WNT9A: variants seen among roughly 807,000 people sequenced by gnomAD.
WNT9A encodes the protein protein Wnt-9a.
In WNT9A, 8 loss-of-function variants were observed where a neutral mutation model predicts 31.4. The ratio of observed to expected loss-of-function variants is 0.26; its 90% CI spans 0.15 to 0.46. The LOEUF is 0.46. Ranked by LOEUF, WNT9A falls within the 20% of genes least tolerant of loss-of-function variation. The probability of loss-of-function intolerance (pLI) is 0.99; values close to 1 mark genes in which losing one functional copy is unlikely to be tolerated. For missense variants in WNT9A, 457 were observed against 522.9 expected (o/e 0.87, Z 1.23); for synonymous variants, 236 against 220.1 (o/e 1.07, Z -0.64).
intron 1 of WNT9A, among the ~76,000 whole-genome samples, chr1:227,946,319 G>A (rs1352056744): frequency 6.6e-6 from 1 of 152,222 alleles, no homozygotes; most frequent in African/African-American, 2.4e-5. Context: ...ATCACAGCAG[G>A]GACAAAGCCG....
Position 227,921,012 on chromosome 1 carries a change from T to C in WNT9A, c.*506A>G. 6.5e-6 allele frequency: 1 copy of C among 154,590 alleles called. No individual in the cohort carries two copies. Among genetic ancestry groups the C allele is most frequent in the East Asian group, 1.9e-4 (1 of 5,250 alleles). 9.6% of individuals were successfully genotyped at this position (154,590 alleles called of 1,614,324 possible). On this transcript the variant is annotated 3_prime_UTR_variant, in exon 4 of 4. Coordinates refer to ENST00000272164, the MANE Select transcript of WNT9A (RefSeq NM_003395.4). ...ACGTGCTAGAAAAGCCTCTCAGTCC[T>C]TGCAGGTGTAGACCCCTCATACTGC... is the stretch of plus-strand genomic sequence containing the variant.
chr1:227,940,881 C>T (rs1017433262), intron 1 of WNT9A, among the ~76,000 whole-genome samples: 3 of 152,196 alleles, frequency 2.0e-5, no homozygotes, highest in South Asian at 2.1e-4. Flanking sequence ...GTCACGGGGC[C>T]GGGGCGGCCC....
At position 227,925,450 on chromosome 1, in the gene WNT9A, G is replaced by A. The variant is rs754594957; in HGVS notation, c.165C>T (p.His55=). The change falls in exon 2 of 4, where the codon CAC becomes CAT. Residue 55 remains histidine, a synonymous_variant. Coordinates refer to ENST00000272164, the MANE Select transcript of WNT9A (RefSeq NM_003395.4). This position sits in a 1 kb window ranked among gnomAD's most constrained non-coding sequence, Gnocchi z 6.0. The stretch of plus-strand genomic sequence containing the variant: ...GCTTCAGCCGGTCGCAGGCCTTGTA[G>A]TGCGCCTGGGCAGCCGCCTCTGGCT... ...TLEPEAAAQA[H]YKACDRLKLE... is the part of the protein sequence containing the mutation. The A allele has an allele frequency of 1.9e-6, 3 of 1,584,284 alleles. No individual in the cohort carries two copies. Among genetic ancestry groups the A allele is most frequent in the Non-Finnish European group, 1.7e-6 (2 of 1,169,332 alleles).
chr1:227,922,673 C>T (rs1042222641), intron 3 of WNT9A, among the ~76,000 whole-genome samples: 4 of 152,148 alleles, frequency 2.6e-5, no homozygotes, highest in Admixed American at 2.6e-4. Flanking sequence ...CACCCCTCAC[C>T]CTCAGCAGGG....
At chr1:227,927,088 G>A (rs769977969) in intron 1 of WNT9A, among the ~76,000 whole-genome samples, 43 of 152,218 alleles carry the variant, frequency 2.8e-4, no homozygotes, top group East Asian at 7.8e-4. Flanking sequence ...CCTAAGCTGC[G>A]GTCTGCTTCT....
chr1:227,947,473 CG>C (rs1666813363), intron 1 of WNT9A, among the ~76,000 whole-genome samples: 1 of 152,118 alleles, frequency 6.6e-6, no homozygotes, highest in Non-Finnish European at 1.5e-5. Context: ...AAGGACACGG[CG>C]GCCCAAGGAA....
chr1:227,930,510 T>C (rs1269028805), intron 1 of WNT9A, among the ~76,000 whole-genome samples: 1 of 152,106 alleles, frequency 6.6e-6, no homozygotes, highest in East Asian at 1.9e-4. Context: ...CCACCACACA[T>C]CAGCCTGGGT....
At chr1:227,934,254 G>A (rs1451223547) in intron 1 of WNT9A, among the ~76,000 whole-genome samples, 1 of 152,134 alleles carries the variant, frequency 6.6e-6, no homozygotes, top group African/African-American at 2.4e-5. Flanking sequence ...TAATCCCTTG[G>A]GAAATCAGAT....
rs1384262489 is a variant in WNT9A, at chr1:227,926,260, A to G, written c.96-741T>C. Among the ~76,000 whole-genome samples, 1 of 151,826 alleles carries G rather than the reference A, an allele frequency of 6.6e-6. No homozygotes were observed. Among genetic ancestry groups the G allele is most frequent in the Non-Finnish European group, 1.5e-5 (1 of 67,934 alleles). On this transcript the variant is annotated intron_variant, in intron 1 of 3. Coordinates refer to ENST00000272164, the MANE Select transcript of WNT9A (RefSeq NM_003395.4). The surrounding 1 kb of genome is among the most constrained non-coding windows in gnomAD (Gnocchi z 5.0). ...TCTGAGCTGATGAACACCACCCTCC[A>G]TCTTTACACGAGGCCTTGCACCAGT...
chr1:227,942,044 T>C lies in WNT9A; in HGVS notation c.95+5749A>G, dbSNP rs1276382134. On this transcript the variant is annotated intron_variant, in intron 1 of 3. Coordinates refer to ENST00000272164, the MANE Select transcript of WNT9A (RefSeq NM_003395.4). The surrounding 1 kb of genome is among the most constrained non-coding windows in gnomAD (Gnocchi z 5.7). ...GGGGAAGAGTCACCCACACGCTTCT[T>C]TGATGGCCAAACCCCAGAGCAGGGC... Among the ~76,000 whole-genome samples, 1 of 151,946 alleles carries C rather than the reference T, an allele frequency of 6.6e-6. No homozygotes were observed. The highest frequency in any genetic ancestry group is 1.5e-5 in the Non-Finnish European group (1 of 67,950).
chr1:227,929,714 G>A (rs1558261040), intron 1 of WNT9A, among the ~76,000 whole-genome samples: 1 of 152,220 alleles, frequency 6.6e-6, no homozygotes, highest in Non-Finnish European at 1.5e-5. Flanking sequence ...CATGCCTGTG[G>A]TCCCAGCTAC....
Position 227,928,013 on chromosome 1 carries a change from C to G in WNT9A, c.96-2494G>C, listed in dbSNP as rs1666448818. On this transcript the variant is annotated intron_variant, in intron 1 of 3. Transcript: ENST00000272164. The surrounding 1 kb of genome is among the most constrained non-coding windows in gnomAD (Gnocchi z 4.5). Reference sequence around the variant, plus strand: ...GGAGGAGGAGGAGGGGGAGAAGCCCCATCTACCAGAGCCACCCCTCCCTCC... The same window carrying G: ...GGAGGAGGAGGAGGGGGAGAAGCCCGATCTACCAGAGCCACCCCTCCCTCC... Among the ~76,000 whole-genome samples the G allele has an allele frequency of 6.6e-6, 1 of 151,974 alleles. No homozygotes were observed. Among genetic ancestry groups the G allele is most frequent in the Admixed American group, 6.6e-5 (1 of 15,266 alleles).
rs1260518035 is a variant in WNT9A at position 227,925,041 on chromosome 1, G to A, written c.352+222C>T. 2.6e-5 allele frequency among the ~76,000 whole-genome samples: 4 copies of A among 152,204 alleles called. No homozygotes were observed. The highest frequency in any genetic ancestry group is 1.3e-4 in the Admixed American group (2 of 15,292). Reference sequence around the variant, plus strand: ...TCAAAGGCCGAGTCAGCATGCCCTGGCCACCAGCAACGACTGTGCGTGTGC... The same window carrying A: ...TCAAAGGCCGAGTCAGCATGCCCTGACCACCAGCAACGACTGTGCGTGTGC... On this transcript the variant is annotated intron_variant, in intron 2 of 3. Transcript: ENST00000272164. This position sits in a 1 kb window ranked among gnomAD's most constrained non-coding sequence, Gnocchi z 6.0.
chr1:227,941,086 C>A (rs73108778), intron 1 of WNT9A, among the ~76,000 whole-genome samples: 2 of 152,204 alleles, frequency 1.3e-5, no homozygotes, highest in Non-Finnish European at 1.5e-5. Context: ...CGGGAAGGTG[C>A]GGCAGCCTGG....
intron 1 of WNT9A, among the ~76,000 whole-genome samples, chr1:227,944,496 A>G (rs1666764705): frequency 1.3e-5 from 2 of 152,230 alleles, no homozygotes; most frequent in Admixed American, 1.3e-4. Flanking sequence ...GTATACATTA[A>G]AAGAGTGGAT....
chr1:227,927,270 G>A (rs1666434563), intron 1 of WNT9A, among the ~76,000 whole-genome samples: 1 of 152,144 alleles, frequency 6.6e-6, no homozygotes, highest in African/African-American at 2.4e-5. Flanking sequence ...CCATGTGCCA[G>A]GCTGCCAGGG....
intron 1 of WNT9A, among the ~76,000 whole-genome samples, chr1:227,935,134 C>G (rs1407488806): frequency 6.6e-6 from 1 of 151,422 alleles, no homozygotes; most frequent in African/African-American, 2.4e-5. Context: ...GTTCACCATA[C>G]AGAGCCTGAG....
chr1:227,943,909 A>C (rs1666753317), intron 1 of WNT9A, among the ~76,000 whole-genome samples: 1 of 152,170 alleles, frequency 6.6e-6, no homozygotes, highest in Non-Finnish European at 1.5e-5. Flanking sequence ...TGAGCCTCTG[A>C]GGTGGAGGCA....
Position 227,942,883 on chromosome 1 carries a change from CCTT to C in WNT9A, c.95+4907_95+4909del, listed in dbSNP as rs960315507. Among the ~76,000 whole-genome samples the C allele has an allele frequency of 2.0e-5, 3 of 152,216 alleles. No homozygotes were observed. The highest frequency in any genetic ancestry group is 2.9e-5 in the Non-Finnish European group (2 of 68,036). ...AGCCATGGGGTCACCCCAGATGCCG[CCTT>C]CTTGCCAGCTCCTTCCCAGGCTTCT... On this transcript the variant is annotated intron_variant, in intron 1 of 3. Transcript: ENST00000272164. The surrounding 1 kb of genome is among the most constrained non-coding windows in gnomAD (Gnocchi z 5.7).
Sources: gnomAD v4.1 joint callset for allele counts (sites outside exome capture counted in the v4.1 genomes callset) on GRCh38, gnomAD v4.1.1 for gene constraint, Gnocchi (gnomAD v3.1) non-coding constraint, MANE v1.5 for transcripts, NCBI Gene and HGNC (gene_info 2026-07-23, HGNC 2026-07-21) for gene names.